The following LIMA1 variants were observed in gnomAD, a reference collection of about 807,000 sequenced individuals.
The protein encoded by LIMA1 is LIM domain and actin-binding protein 1.
A neutral mutation model predicts 62.6 loss-of-function variants in LIMA1; 52 were observed. The observed-to-expected ratio is 0.83, with a 90% CI of 0.67 to 1.05. The LOEUF is 1.05. Ranked by LOEUF, LIMA1 falls within the 50% of genes least tolerant of loss-of-function variation. LIMA1 has a pLI of 0.00. For missense variants in LIMA1, 780 were observed against 902.2 expected (o/e 0.86, Z 1.74); for synonymous variants, 302 against 317.8 (o/e 0.95, Z 0.53).
chr12:50,190,946 C>T (rs1464117658), intron 9 of LIMA1, among the ~76,000 whole-genome samples: 2 of 150,960 alleles, frequency 1.3e-5, no homozygotes, highest in South Asian at 2.1e-4. Context: ...AGTGAGACCC[C>T]ATCCCTATAA....
At chr12:50,226,570 G>T (rs898033590) in intron 3 of LIMA1, among the ~76,000 whole-genome samples, 1 of 152,192 alleles carries the variant, frequency 6.6e-6, no homozygotes, top group Non-Finnish European at 1.5e-5. Flanking sequence ...ACTGGGCGCA[G>T]TGGCTCACAC....
chr12:50,227,803 A>T (rs149889288), intron 3 of LIMA1, among the ~76,000 whole-genome samples: 40 of 151,268 alleles, frequency 2.6e-4, no homozygotes, highest in African/African-American at 9.2e-4. Flanking sequence ...ATCCCTCCTA[A>T]ATTCTCCCCC....
intron 9 of LIMA1, chr12:50,185,250 C>T (rs1940604203): frequency 7.6e-6 from 3 of 396,614 alleles, no homozygotes; most frequent in African/African-American, 4.2e-5. Flanking sequence ...GGATACTGTT[C>T]TGCTAAAGGG....
At chr12:50,226,608 A>C (rs1316466155) in intron 3 of LIMA1, among the ~76,000 whole-genome samples, 1 of 152,150 alleles carries the variant, frequency 6.6e-6, no homozygotes, top group Non-Finnish European at 1.5e-5. Context: ...TGGGAGGCCG[A>C]GGCGGGCGGA....
intron 1 of LIMA1, among the ~76,000 whole-genome samples, chr12:50,280,108 C>T (rs1260807830): frequency 1.3e-5 from 2 of 148,634 alleles, no homozygotes; most frequent in African/African-American, 5.0e-5. Flanking sequence ...CTTTTTTTCC[C>T]CTAAAGATGA....
At chr12:50,264,128 T>G (rs1014071741) in intron 1 of LIMA1, among the ~76,000 whole-genome samples, 22 of 151,844 alleles carry the variant, frequency 1.4e-4, no homozygotes, top group Non-Finnish European at 3.2e-4. Flanking sequence ...GACCATTTAC[T>G]GTATGATTAC....
At chr12:50,263,376 C>A (rs1942095175) in intron 1 of LIMA1, among the ~76,000 whole-genome samples, 1 of 152,068 alleles carries the variant, frequency 6.6e-6, no homozygotes, top group African/African-American at 2.4e-5. Context: ...TCTTCTTGTG[C>A]AAAATGAAGG....
chr12:50,204,794 A>C, intron 5 of LIMA1, 94 bp from the exon 6 acceptor site: 411 of 1,229,278 alleles, frequency 3.3e-4, no homozygotes, highest in Non-Finnish European at 4.4e-4. Context: ...ATCATAGCTC[A>C]CTACAGCCTC....
rs1300183961 is a variant in LIMA1, at chr12:50,176,883, A to G, written c.*181T>C. 3 of 552,542 alleles carry G rather than the reference A, an allele frequency of 5.4e-6. No individual in the cohort carries two copies. The highest frequency in any genetic ancestry group is 6.9e-5 in the South Asian group (2 of 29,096). 34.2% of individuals were successfully genotyped at this position (552,542 alleles called of 1,614,324 possible). The stretch of plus-strand genomic sequence containing the variant: ...AAGTAAAGTTATCTCTAGTATTTAG[A>G]ATGTGTTTTTTGTGTTTTTTTGTTT... On this transcript the variant is annotated 3_prime_UTR_variant, in exon 11 of 11. Transcript: ENST00000341247.
chr12:50,250,588 A>G (rs952211320), intron 1 of LIMA1, among the ~76,000 whole-genome samples: 11 of 150,376 alleles, frequency 7.3e-5, no homozygotes, highest in Admixed American at 1.3e-4. Flanking sequence ...AAAAAAAAAA[A>G]GTCCCGTGAT....
chr12:50,196,775 T>G (rs1245402248), intron 7 of LIMA1, among the ~76,000 whole-genome samples: 2 of 152,232 alleles, frequency 1.3e-5, no homozygotes, highest in Non-Finnish European at 2.9e-5. Context: ...TGACTGCACC[T>G]GAATTTCAGC....
chr12:50,255,033 C>CA (rs200238214), intron 1 of LIMA1, among the ~76,000 whole-genome samples: 3,342 of 96,658 alleles, frequency 0.035, 116 homozygotes, highest in African/African-American at 0.15. Context: ...AAAACAAAAC[C>CA]AAAAAAAACA....
intron 1 of LIMA1, among the ~76,000 whole-genome samples, chr12:50,263,834 GTATA>G (rs71441348): frequency 3.4e-4 from 40 of 116,268 alleles, no homozygotes; most frequent in African/African-American, 8.2e-4. Flanking sequence ...TATAGAGAGA[GTATA>G]TATATATATA....
chr12:50,269,268 A>G (rs1023947255), intron 1 of LIMA1, among the ~76,000 whole-genome samples: 38 of 152,216 alleles, frequency 2.5e-4, no homozygotes, highest in African/African-American at 9.2e-4. Context: ...TCACAGTAAC[A>G]CACTCAGAAT....
chr12:50,272,554 T>C (rs1320020333), intron 1 of LIMA1, among the ~76,000 whole-genome samples: 6 of 145,650 alleles, frequency 4.1e-5, no homozygotes, highest in Non-Finnish European at 7.5e-5. Flanking sequence ...CTCGTGCCAT[T>C]GCATTCCAGC....
At chr12:50,217,965 CGTG>C (rs1941375583) in intron 4 of LIMA1, 1 of 148,010 alleles carries the variant, frequency 6.8e-6, no homozygotes, top group Non-Finnish European at 1.4e-5. Context: ...AGTGCAGTGG[CGTG>C]ATCTCGGCTC....
intron 1 of LIMA1, among the ~76,000 whole-genome samples, chr12:50,262,520 T>C (rs1294631956): frequency 6.6e-6 from 1 of 152,054 alleles, no homozygotes; most frequent in Non-Finnish European, 1.5e-5. Flanking sequence ...ATGCCTGTAA[T>C]CTTAGCACTT....
At chr12:50,218,895 T>TAAAAA (rs1409254811) in intron 4 of LIMA1, among the ~76,000 whole-genome samples, 83 of 73,982 alleles carry the variant, frequency 1.1e-3, no homozygotes, top group African/African-American at 3.9e-3. Flanking sequence ...CCTATCTCCA[T>TAAAAA]AAAAAAAAAA....
chr12:50,267,350 C>T (rs868778752), intron 1 of LIMA1, among the ~76,000 whole-genome samples: 1 of 151,242 alleles, frequency 6.6e-6, no homozygotes, highest in Non-Finnish European at 1.5e-5. Context: ...GGATTACAGA[C>T]GTGAGCCACC....
Sources: allele counts gnomAD v4.1 joint callset (sites outside exome capture counted in the v4.1 genomes callset), GRCh38; gene constraint gnomAD v4.1.1; transcripts MANE v1.5; gene names NCBI Gene and HGNC (gene_info 2026-07-23, HGNC 2026-07-21).